Variants in ZNF492 observed in about 807,000 individuals in gnomAD.
ZNF492 encodes the protein zinc finger protein 115 (Y20).
A neutral mutation model predicts 6.4 loss-of-function variants in ZNF492; 3 were observed. The observed-to-expected ratio is 0.47, with a 90% CI of 0.21 to 1.22. ZNF492 has a LOEUF of 1.22. Among genes scored for constraint, ZNF492 ranks in the 50% most tolerant of loss-of-function variants. ZNF492 has a pLI of 0.22. For missense variants in ZNF492, 356 were observed against 612.5 expected (o/e 0.58, Z 4.42); for synonymous variants, 112 against 205.3 (o/e 0.55, Z 3.89).
intron 3 of ZNF492, among the ~76,000 whole-genome samples, chr19:22,661,230 ATTC>A (rs1159663774): frequency 1.3e-5 from 2 of 150,400 alleles, no homozygotes; most frequent in East Asian, 3.9e-4. Context: ...ATATTTTGAT[ATTC>A]TTGTATTTAT....
chr19:22,662,134 C>T (rs1418682774), intron 3 of ZNF492, among the ~76,000 whole-genome samples: 2 of 152,066 alleles, frequency 1.3e-5, no homozygotes, highest in Admixed American at 6.6e-5. Flanking sequence ...CGCCCTGTGT[C>T]CAGGTATTCT....
chr19:22,634,453 A>G lies in ZNF492; in HGVS notation c.-115A>G, dbSNP rs1444695324. ...GGAGATCCACAGCTAAGACGCTAGG[A>G]CCCCCTGGAAGCCTAGAAACGGTGA... is the stretch of plus-strand genomic sequence containing the variant. On this transcript the variant is annotated 5_prime_UTR_variant, in exon 1 of 4. Coordinates refer to ENST00000456783, the MANE Select transcript of ZNF492 (RefSeq NM_020855.3). 3 of 1,380,944 alleles carry G rather than the reference A, an allele frequency of 2.2e-6. No individual in the cohort carries two copies. The highest frequency in any genetic ancestry group is 1.7e-5 in the Admixed American group (1 of 57,884). 85.5% of individuals were successfully genotyped at this position (1,380,944 alleles called of 1,614,324 possible).
At chr19:22,652,714 G>A (rs1971953300) in intron 1 of ZNF492, among the ~76,000 whole-genome samples, 1 of 151,792 alleles carries the variant, frequency 6.6e-6, no homozygotes, top group Non-Finnish European at 1.5e-5. Context: ...CGAGTAGCTG[G>A]GACTACGGGC....
chr19:22,662,880 A>G (rs1359972750), intron 3 of ZNF492, among the ~76,000 whole-genome samples: 2 of 151,932 alleles, frequency 1.3e-5, no homozygotes, highest in Non-Finnish European at 2.9e-5. Context: ...CCCATTCTGT[A>G]GGTTGCCTGT....
chr19:22,639,860 T>C (rs2145242795), intron 1 of ZNF492, among the ~76,000 whole-genome samples: 1 of 151,942 alleles, frequency 6.6e-6, no homozygotes, highest in East Asian at 1.9e-4. Flanking sequence ...TCTTGCCTAA[T>C]TGCTCTAGCC....
chr19:22,634,348 A>C lies in ZNF492; in HGVS notation c.-220A>C, dbSNP rs1338930027. 1.9e-6 allele frequency: 2 copies of C among 1,032,924 alleles called. No individual in the cohort carries two copies. The highest frequency in any genetic ancestry group is 3.4e-5 in the African/African-American group (2 of 59,290). The allele number at this position is 1,032,924 out of a possible 1,614,324, so 64.0% of individuals were successfully genotyped here. ...GGTCTTTGTCTCTCGCTGCAGTCGG[A>C]GTATGGTCTAGTGTTCGCTGTTCTG... On this transcript the variant is annotated 5_prime_UTR_variant, in exon 1 of 4. Coordinates refer to ENST00000456783, the MANE Select transcript of ZNF492 (RefSeq NM_020855.3).
At chr19:22,638,793 A>G (rs1310567232) in intron 1 of ZNF492, among the ~76,000 whole-genome samples, 1 of 152,088 alleles carries the variant, frequency 6.6e-6, no homozygotes, top group African/African-American at 2.4e-5. Context: ...ATAGCATTAA[A>G]TCTGTAATTT....
chr19:22,649,804 C>T (rs1303813508), intron 1 of ZNF492, among the ~76,000 whole-genome samples: 1 of 152,088 alleles, frequency 6.6e-6, no homozygotes, highest in African/African-American at 2.4e-5. Flanking sequence ...CATTTATGTT[C>T]CTCTCTAAAC....
In ZNF492 at chr19:22,634,386, C is replaced by T; in HGVS notation, c.-182C>T. 2 of 1,256,890 alleles carry T rather than the reference C, an allele frequency of 1.6e-6. No individual in the cohort carries two copies. Among genetic ancestry groups the T allele is most frequent in the Non-Finnish European group, 2.3e-6 (2 of 877,410 alleles). 77.9% of individuals were successfully genotyped at this position (1,256,890 alleles called of 1,614,324 possible). A position where few individuals can be genotyped will look rare whatever the true frequency, so the allele number is the denominator to read the frequency against. ...GTTCGCTGTTCTGCGTCCTCTGGTC[C>T]TAGAGGCCCATCCTCTGTGGCCCTG... On this transcript the variant is annotated 5_prime_UTR_variant, in exon 1 of 4. Coordinates refer to ENST00000456783, the MANE Select transcript of ZNF492 (RefSeq NM_020855.3).
intron 1 of ZNF492, among the ~76,000 whole-genome samples, chr19:22,636,557 CGTGTGTGTAT>C (rs1294213936): frequency 8.3e-6 from 1 of 120,984 alleles, no homozygotes; most frequent in Non-Finnish European, 1.8e-5. Flanking sequence ...TGTGTGTGTG[CGTGTGTGTAT>C]GTGTGTTTTA....
chr19:22,645,139 TGGGTTCAAGTG>T (rs1297605360), intron 1 of ZNF492, among the ~76,000 whole-genome samples: 1 of 151,994 alleles, frequency 6.6e-6, no homozygotes. Context: ...CTACACCTCC[TGGGTTCAAGTG>T]ATTCTCCTGC....
At chr19:22,637,864 C>G (rs988628772) in intron 1 of ZNF492, among the ~76,000 whole-genome samples, 3 of 152,118 alleles carry the variant, frequency 2.0e-5, no homozygotes, top group Admixed American at 1.3e-4. Context: ...TCCTGTTTCT[C>G]TGTAACCTTG....
In ZNF492 at chr19:22,664,002, A is replaced by G. The variant is rs1206793808; in HGVS notation, c.333A>G (p.Lys111=). 6.2e-7 allele frequency: 1 copy of G among 1,610,872 alleles called. No individual in the cohort carries two copies. The highest frequency in any genetic ancestry group is 8.5e-7 in the Non-Finnish European group (1 of 1,178,408). The part of the protein sequence containing the change: ...LNQCLTTTQN[K]IFQCDKYVKV... ...AGTGTTTGACGACTACCCAGAACAA[A>G]ATATTTCAATGTGACAAATATGTGA... is the stretch of plus-strand genomic sequence containing the variant. Residue 111 remains lysine, a synonymous_variant, in exon 4 of 4, where the codon AAA becomes AAG. Coordinates refer to ENST00000456783, the MANE Select transcript of ZNF492 (RefSeq NM_020855.3).
intron 1 of ZNF492, among the ~76,000 whole-genome samples, chr19:22,649,434 A>AGT (rs1432028586): frequency 6.6e-6 from 1 of 152,098 alleles, no homozygotes; most frequent in Non-Finnish European, 1.5e-5. Context: ...GGAATATCTT[A>AGT]GTGGTGTTCT....
chr19:22,659,916 TC>T (rs1449034432), intron 3 of ZNF492, among the ~76,000 whole-genome samples: 2 of 152,136 alleles, frequency 1.3e-5, no homozygotes, highest in African/African-American at 4.8e-5. Context: ...TCCACCTGCC[TC>T]AACCTCCCAA....
chr19:22,639,862 G>A (rs1441147464), intron 1 of ZNF492, among the ~76,000 whole-genome samples: 11 of 147,224 alleles, frequency 7.5e-5, no homozygotes, highest in African/African-American at 2.5e-4. Flanking sequence ...TTGCCTAATT[G>A]CTCTAGCCAG....
At chr19:22,656,555 A>G (rs1971998401) in intron 3 of ZNF492, among the ~76,000 whole-genome samples, 1 of 152,068 alleles carries the variant, frequency 6.6e-6, no homozygotes, top group East Asian at 1.9e-4. Flanking sequence ...CAGGGACCAC[A>G]GTAAGGGCCA....
intron 1 of ZNF492, among the ~76,000 whole-genome samples, chr19:22,649,952 G>A (rs1294318326): frequency 6.6e-6 from 1 of 152,088 alleles, no homozygotes; most frequent in African/African-American, 2.4e-5. Flanking sequence ...CTGTCAATTT[G>A]TCTATCTCAT....
intron 1 of ZNF492, among the ~76,000 whole-genome samples, chr19:22,638,470 G>T (rs762827713): frequency 3.0e-4 from 46 of 152,004 alleles, no homozygotes; most frequent in Non-Finnish European, 5.4e-4. Flanking sequence ...ATTAAATAGG[G>T]ATTTCTTTCC....
Sources: allele counts gnomAD v4.1 joint callset (sites outside exome capture counted in the v4.1 genomes callset), GRCh38; gene constraint gnomAD v4.1.1; transcripts MANE v1.5; gene names NCBI Gene and HGNC (gene_info 2026-07-23, HGNC 2026-07-21).